Variants in KLHL7 observed in about 807,000 individuals in gnomAD.
The protein encoded by KLHL7 is kelch-like protein 7.
Under a neutral mutation model 67.4 loss-of-function variants are expected in KLHL7, and 44 were observed. The observed-to-expected ratio is 0.65, with a 90% CI of 0.51 to 0.84. The LOEUF is 0.84. Among genes scored for constraint, KLHL7 ranks in the 40% least tolerant of loss-of-function variants. The pLI is 0.00. For synonymous variants in KLHL7, 252 were observed against 243.3 expected (o/e 1.04, Z -0.33); for missense variants, 362 against 718.1 (o/e 0.50, Z 5.67).
At chr7:23,147,616 A>G (rs1430201586) in intron 6 of KLHL7, among the ~76,000 whole-genome samples, 1 of 152,106 alleles carries the variant, frequency 6.6e-6, no homozygotes, top group African/African-American at 2.4e-5. Context: ...GATTGACCTT[A>G]ATCATCAGGA....
At chr7:23,125,811 A>T (rs1178405980) in intron 4 of KLHL7, 1 of 1,549,094 alleles carries the variant, frequency 6.5e-7, no homozygotes. Context: ...TATGCTTTTC[A>T]CTGTGTGATG....
chr7:23,140,791 T>C lies in KLHL7; in HGVS notation c.465T>C (p.Cys155=), dbSNP rs1351552852. ...TAGGTATAAGTGTGCTAGCGGAGTG[T>C]CTAGATTGTCCTGAATTGAAAGCAA... is the stretch of plus-strand genomic sequence containing the variant. ...NCLGISVLAE[C]LDCPELKATA... Residue 155 remains cysteine, a synonymous_variant, in exon 5 of 11, where the codon TGT becomes TGC. Coordinates refer to ENST00000339077, the MANE Select transcript of KLHL7 (RefSeq NM_001031710.3). 1.2e-6 allele frequency: 2 copies of C among 1,613,894 alleles called. No homozygotes were observed. Among genetic ancestry groups the C allele is most frequent in the Non-Finnish European group, 1.7e-6 (2 of 1,179,920 alleles).
At position 23,177,536 on chromosome 7, in the gene KLHL7, G is replaced by A. The variant is rs992974795; in HGVS notation, c.*3238G>A. On this transcript the variant is annotated 3_prime_UTR_variant, in exon 11 of 11. Transcript: ENST00000339077. ...ACAGAATTGTCAATATCAGGATAGT[G>A]CGTAAAAGTACACTCACCATACTGA... is the stretch of plus-strand genomic sequence containing the variant. 1.3e-5 allele frequency: 2 copies of A among 152,080 alleles called. No individual in the cohort carries two copies. Among genetic ancestry groups the A allele is most frequent in the African/African-American group, 4.8e-5 (2 of 41,406 alleles). The allele number at this position is 152,080 out of a possible 1,614,324, so 9.4% of individuals were successfully genotyped here.
chr7:23,152,889 A>G (rs1583708358), intron 7 of KLHL7, among the ~76,000 whole-genome samples: 1 of 152,212 alleles, frequency 6.6e-6, no homozygotes, highest in Admixed American at 6.5e-5. Flanking sequence ...TACTACATGT[A>G]TTGCTGGGGA....
At chr7:23,171,356 T>C (rs992534922) in intron 9 of KLHL7, among the ~76,000 whole-genome samples, 8 of 152,174 alleles carry the variant, frequency 5.3e-5, no homozygotes, top group African/African-American at 1.9e-4. Context: ...AACATTATAT[T>C]TGGAGAAGAA....
At chr7:23,110,980 G>A (rs191776521) in intron 1 of KLHL7, among the ~76,000 whole-genome samples, 4 of 152,206 alleles carry the variant, frequency 2.6e-5, no homozygotes, top group African/African-American at 9.6e-5. Context: ...CATTTTGCTA[G>A]ATTCTGGGGT....
chr7:23,125,968 A>G, intron 4 of KLHL7: 1 of 854,182 alleles, frequency 1.2e-6, no homozygotes, highest in Non-Finnish European at 1.9e-6. Flanking sequence ...TGATACATAC[A>G]TGCCTATGAT....
At position 23,174,570 on chromosome 7, in the gene KLHL7, C is replaced by G. The variant is rs1473747630; in HGVS notation, c.*272C>G. 1.8e-6 allele frequency: 1 copy of G among 566,698 alleles called. No individual in the cohort carries two copies. The highest frequency in any genetic ancestry group is 3.3e-6 in the Non-Finnish European group (1 of 300,852). 35.1% of individuals were successfully genotyped at this position (566,698 alleles called of 1,614,324 possible). ...AAATGTGAATTTCTTGAATGAATTTCACATTTGTAACTATGATTTTGGCAG... is the reference window on the plus strand; with the variant it reads ...AAATGTGAATTTCTTGAATGAATTTGACATTTGTAACTATGATTTTGGCAG... On this transcript the variant is annotated 3_prime_UTR_variant, in exon 11 of 11. Transcript: ENST00000339077.
At chr7:23,109,903 G>A (rs1782796266) in intron 1 of KLHL7, among the ~76,000 whole-genome samples, 1 of 152,010 alleles carries the variant, frequency 6.6e-6, no homozygotes, top group Admixed American at 6.5e-5. Context: ...TTTTCTGTCT[G>A]TCCAGCTTAG....
intron 4 of KLHL7, among the ~76,000 whole-genome samples, chr7:23,138,313 T>A (rs1213857849): frequency 2.0e-5 from 3 of 150,058 alleles, no homozygotes; most frequent in Non-Finnish European, 4.4e-5. Context: ...AATACAAAAA[T>A]TAGCTATGCA....
chr7:23,117,999 A>G lies in KLHL7; in HGVS notation c.121-5778A>G, dbSNP rs376031165. The G allele has an allele frequency of 5.6e-6, 9 of 1,612,432 alleles. No individual in the cohort carries two copies. In the African/African-American group the frequency reaches 1.2e-4, roughly 21 times the overall value. On this transcript the variant is annotated intron_variant, in intron 1 of 10. Coordinates refer to ENST00000339077, the MANE Select transcript of KLHL7 (RefSeq NM_001031710.3). ...TCCTCAGTCTTCTCTTTGGGATATA[A>G]CAAAGAATAGAACGTGGGGCAGTTG...
At chr7:23,133,041 T>C (rs1783856991) in intron 4 of KLHL7, among the ~76,000 whole-genome samples, 1 of 152,230 alleles carries the variant, frequency 6.6e-6, no homozygotes, top group Non-Finnish European at 1.5e-5. Flanking sequence ...TCGATTACTA[T>C]AGCTCTGTAG....
chr7:23,117,891 C>G, intron 1 of KLHL7: 1 of 1,613,908 alleles, frequency 6.2e-7, no homozygotes, highest in Non-Finnish European at 8.5e-7. Flanking sequence ...GGGATTTATA[C>G]TCAATGCCAA....
At chr7:23,153,261 T>C (rs1378455595) in intron 7 of KLHL7, among the ~76,000 whole-genome samples, 1 of 152,204 alleles carries the variant, frequency 6.6e-6, no homozygotes, top group East Asian at 1.9e-4. Context: ...CATTATTGGC[T>C]ATTACTATCA....
intron 4 of KLHL7, among the ~76,000 whole-genome samples, chr7:23,133,915 T>C (rs1282379318): frequency 6.6e-6 from 1 of 152,222 alleles, no homozygotes; most frequent in African/African-American, 2.4e-5. Context: ...TTTTATTTCT[T>C]CCTTTCTGGT....
intron 7 of KLHL7, among the ~76,000 whole-genome samples, chr7:23,162,800 A>G (rs1784888227): frequency 6.6e-6 from 1 of 152,188 alleles, no homozygotes; most frequent in South Asian, 2.1e-4. Context: ...GGCTTAAGAG[A>G]AAGTACTTGT....
chr7:23,155,927 C>T (rs1409682245), intron 7 of KLHL7: 3 of 300,754 alleles, frequency 1.0e-5, no homozygotes, highest in Non-Finnish European at 2.0e-5. Context: ...TGTGGGATGA[C>T]TCTTAGCACT....
At chr7:23,140,330 G>A (rs575942653) in intron 4 of KLHL7, among the ~76,000 whole-genome samples, 1 of 152,226 alleles carries the variant, frequency 6.6e-6, no homozygotes, top group East Asian at 1.9e-4. Context: ...CAGGGTGGGC[G>A]GATCACGAGG....
rs139333054 is a variant in KLHL7, at chr7:23,127,669, C to A, written c.442+2497C>A. On this transcript the variant is annotated intron_variant, in intron 4 of 10. Coordinates refer to ENST00000339077, the MANE Select transcript of KLHL7 (RefSeq NM_001031710.3). Reference sequence around the variant, plus strand: ...ATCATGTAAAAAATTAAACCCAGTACCAGCCTGGCCAACATGGTGAAACCC... The same window carrying A: ...ATCATGTAAAAAATTAAACCCAGTAACAGCCTGGCCAACATGGTGAAACCC... Among the ~76,000 whole-genome samples, 3 of 152,102 alleles carry A rather than the reference C, an allele frequency of 2.0e-5. No individual in the cohort carries two copies. In the East Asian group the frequency reaches 5.8e-4, roughly 29 times the overall value.
Sources: allele counts gnomAD v4.1 joint callset (sites outside exome capture counted in the v4.1 genomes callset), GRCh38; gene constraint gnomAD v4.1.1; transcripts MANE v1.5; gene names NCBI Gene and HGNC (gene_info 2026-07-23, HGNC 2026-07-21).